Variants in ASTN2 observed in about 807,000 individuals in gnomAD.
The protein encoded by ASTN2 is astrotactin 2.
In ASTN2, 54 loss-of-function variants were observed where a neutral mutation model predicts 139.8. The ratio of observed to expected loss-of-function variants is 0.39; its 90% CI spans 0.31 to 0.48. The LOEUF is 0.48. Ranked by LOEUF, ASTN2 falls within the 20% of genes least tolerant of loss-of-function variation. The pLI, the probability that ASTN2 is intolerant of heterozygous loss-of-function variation, is 0.95. For missense variants in ASTN2, 1,565 were observed against 1,725.1 expected, an observed-to-expected ratio of 0.91 and a Z score of 1.64; for synonymous variants, 756 against 719.5, an observed-to-expected ratio of 1.05 and a Z score of -0.81.
chr9:116,823,952 T>TGTC (rs1831555372), intron 11 of ASTN2, among the ~76,000 whole-genome samples: 2 of 152,192 alleles, frequency 1.3e-5, no homozygotes, highest in African/African-American at 4.8e-5. Flanking sequence ...AGTTTGTTGC[T>TGTC]TACTGTCTGT....
chr9:117,005,749 CT>C, intron 7 of ASTN2, among the ~76,000 whole-genome samples: 1 of 152,128 alleles, frequency 6.6e-6, no homozygotes, highest in South Asian at 2.1e-4. Flanking sequence ...CTCTCTCTCT[CT>C]CTCTCTCTGT....
In ASTN2 at chr9:116,570,531, G is replaced by A. The variant is rs1052003680; in HGVS notation, c.3355+47793C>T. 1.3e-4 allele frequency among the ~76,000 whole-genome samples: 20 copies of A among 152,218 alleles called. No individual in the cohort carries two copies. In the South Asian group the frequency reaches 2.1e-3, roughly 16 times the overall value. ...CTGCCTCAGCCTCTCGAGTAGCTGG[G>A]ACTACCGGCGCCCGCCACCATGCCC... On this transcript the variant is annotated intron_variant, in intron 19 of 22. Coordinates refer to ENST00000313400, the MANE Select transcript of ASTN2 (RefSeq NM_001365068.1).
chr9:116,493,755 G>C (rs569653183), intron 19 of ASTN2, among the ~76,000 whole-genome samples: 2 of 152,264 alleles, frequency 1.3e-5, no homozygotes, highest in South Asian at 2.1e-4. Flanking sequence ...TGGGAGAAAA[G>C]CAGAAAAGAA....
intron 20 of ASTN2, among the ~76,000 whole-genome samples, chr9:116,482,276 A>G (rs2119061716): frequency 6.6e-6 from 1 of 152,234 alleles, no homozygotes; most frequent in East Asian, 1.9e-4. Context: ...CAGTGAGCCA[A>G]GATTGCGCCC....
At chr9:117,026,173 G>C (rs1838074097) in intron 6 of ASTN2, among the ~76,000 whole-genome samples, 1 of 151,936 alleles carries the variant, frequency 6.6e-6, no homozygotes, top group African/African-American at 2.4e-5. Context: ...CTCACATCGG[G>C]ATGCTGGTGC....
At chr9:117,147,751 A>G (rs984627225) in intron 3 of ASTN2, among the ~76,000 whole-genome samples, 5 of 152,190 alleles carry the variant, frequency 3.3e-5, no homozygotes, top group Non-Finnish European at 5.9e-5. Flanking sequence ...AAGACTCAGA[A>G]ATGTTACATG....
chr9:117,354,394 G>C (rs929039476), intron 1 of ASTN2, among the ~76,000 whole-genome samples: 2 of 152,014 alleles, frequency 1.3e-5, no homozygotes, highest in Non-Finnish European at 2.9e-5. Flanking sequence ...TCACTGCAGG[G>C]GCTTTGCATA....
chr9:117,396,106 G>C (rs989532899), intron 1 of ASTN2, among the ~76,000 whole-genome samples: 1 of 152,160 alleles, frequency 6.6e-6, no homozygotes, highest in African/African-American at 2.4e-5. Flanking sequence ...TCCTAGGAAG[G>C]GTTATGAACT....
At chr9:116,533,188 T>G (rs571039938) in intron 19 of ASTN2, among the ~76,000 whole-genome samples, 1 of 152,206 alleles carries the variant, frequency 6.6e-6, no homozygotes, top group Non-Finnish European at 1.5e-5. Flanking sequence ...TAAGAATGCT[T>G]GTGATTTTTG....
intron 5 of ASTN2, among the ~76,000 whole-genome samples, chr9:117,045,967 T>C (rs1308778744): frequency 8.4e-6 from 1 of 119,514 alleles, no homozygotes; most frequent in South Asian, 3.0e-4. Flanking sequence ...TATGTATGTA[T>C]GTATGTATGT....
intron 19 of ASTN2, among the ~76,000 whole-genome samples, chr9:116,538,966 GA>G (rs1851762620): frequency 6.6e-6 from 1 of 152,120 alleles, no homozygotes; most frequent in Non-Finnish European, 1.5e-5. Context: ...AAACTTGAAA[GA>G]AAACACCAGA....
intron 2 of ASTN2, among the ~76,000 whole-genome samples, chr9:117,229,025 C>CA (rs1447721516): frequency 6.8e-6 from 1 of 146,830 alleles, no homozygotes; most frequent in African/African-American, 2.5e-5. Context: ...CAAAACAAAA[C>CA]AAACAAAAAA....
chr9:116,909,187 T>C (rs1169335524), intron 10 of ASTN2, among the ~76,000 whole-genome samples: 1 of 152,102 alleles, frequency 6.6e-6, no homozygotes, highest in Non-Finnish European at 1.5e-5. Context: ...AGGTGGAGAA[T>C]GGATTGTGTT....
intron 3 of ASTN2, among the ~76,000 whole-genome samples, chr9:117,194,820 T>A (rs576287647): frequency 6.6e-6 from 1 of 152,356 alleles, no homozygotes; most frequent in African/African-American, 2.4e-5. Context: ...GATAATACAT[T>A]CTTTATGAGA....
Position 116,642,143 on chromosome 9 carries a change from AAAC to A in ASTN2, c.3072+9382_3072+9384del, listed in dbSNP as rs1857368002. Among the ~76,000 whole-genome samples the A allele has an allele frequency of 4.1e-5, 6 of 147,268 alleles. 1 individual carries two copies. Among genetic ancestry groups the A allele is most frequent in the African/African-American group, 1.3e-4 (5 of 39,002 alleles). ...AGGCTCCCAACCCACAAAAAAAAAA[AAAC>A]AAAAAAAAACAGAATCAGTAGGAAG... is the stretch of plus-strand genomic sequence containing the variant. On this transcript the variant is annotated intron_variant, in intron 17 of 22. Transcript: ENST00000313400.
At chr9:117,214,865 A>G (rs1250655028) in intron 2 of ASTN2, 123 bp from the exon 3 acceptor site, 13 of 1,154,762 alleles carry the variant, frequency 1.1e-5, no homozygotes, top group Non-Finnish European at 1.4e-5. Context: ...AGCCTCAGGA[A>G]CCACCAGCCG....
intron 1 of ASTN2, among the ~76,000 whole-genome samples, chr9:117,345,435 G>A (rs1829185590): frequency 6.6e-6 from 1 of 152,158 alleles, no homozygotes; most frequent in Non-Finnish European, 1.5e-5. Flanking sequence ...AAGTGCTTCA[G>A]ACATAGTAAA....
At chr9:116,609,915 T>C (rs558397020) in intron 19 of ASTN2, among the ~76,000 whole-genome samples, 1 of 152,234 alleles carries the variant, frequency 6.6e-6, no homozygotes, top group South Asian at 2.1e-4. Flanking sequence ...TGTTAGATAT[T>C]CATGCTGTAA....
intron 3 of ASTN2, among the ~76,000 whole-genome samples, chr9:117,167,272 T>G (rs908613160): frequency 2.4e-4 from 25 of 105,312 alleles, no homozygotes; most frequent in Non-Finnish European, 2.2e-5. Flanking sequence ...CACCAAAACC[T>G]TTTTTTTCAA....
Sources: allele counts gnomAD v4.1 joint callset (sites outside exome capture counted in the v4.1 genomes callset), GRCh38; gene constraint gnomAD v4.1.1; transcripts MANE v1.5; gene names NCBI Gene and HGNC (gene_info 2026-07-23, HGNC 2026-07-21).